The following SUPT20H variants were observed in gnomAD, a reference collection of about 807,000 sequenced individuals.
The protein encoded by SUPT20H is transcription factor SPT20 homolog.
In SUPT20H, 82 loss-of-function variants were observed where a neutral mutation model predicts 122.8. That is an observed-to-expected ratio of 0.67 (90% confidence interval 0.56 to 0.80). The LOEUF is 0.80. Ranked by LOEUF, SUPT20H falls within the 30% of genes least tolerant of loss-of-function variation. The probability of loss-of-function intolerance (pLI) is 0.00; values close to 1 mark genes in which losing one functional copy is unlikely to be tolerated. For synonymous variants in SUPT20H, 291 were observed against 313.0 expected (o/e 0.93, Z 0.74); for missense variants, 831 against 921.6 (o/e 0.90, Z 1.27).
At chr13:37,051,393 G>T in intron 2 of SUPT20H, 95 bp downstream of exon 2, 1 of 1,308,906 alleles carries the variant, frequency 7.6e-7, no homozygotes. Flanking sequence ...CAGCTTACAA[G>T]AGTATTTCTA....
intron 22 of SUPT20H, 149 bp from the exon 23 acceptor site, chr13:37,017,513 C>G: frequency 1.2e-6 from 1 of 861,418 alleles, no homozygotes; most frequent in South Asian, 2.0e-5. Context: ...AGTTGGCTGC[C>G]CTTAAAAAAA....
At chr13:37,026,662 G>T in intron 15 of SUPT20H, 128 bp downstream of exon 15, 1 of 609,320 alleles carries the variant, frequency 1.6e-6, no homozygotes, top group Non-Finnish European at 2.7e-6. Context: ...CAGATCCTTA[G>T]AATATATTTC....
chr13:37,025,322 C>G lies in SUPT20H; in HGVS notation c.1327G>C (p.Asp443His). ...LSQVSPGKET[D>H]QTETVSVQSS... The stretch of plus-strand genomic sequence containing the variant: ...GAAGTAACATTAATGAAACACACAT[C>G]TGTTTCTTTCCCTGGAGAAACCTGA... The change falls in exon 17 of 26, where the codon GAT (aspartate) becomes CAT (histidine). Residue 443 changes from aspartate (D) to histidine (H), a missense_variant and splice_region_variant. Asp to His is a moderately conservative substitution (Grantham distance 81). Transcript: ENST00000350612. 1 of 1,596,564 alleles carries G rather than the reference C, an allele frequency of 6.3e-7. No homozygotes were observed. The highest frequency in any genetic ancestry group is 8.6e-7 in the Non-Finnish European group (1 of 1,164,064).
At chr13:37,021,422 G>T in intron 21 of SUPT20H, 26 bp downstream of exon 21, 1 of 1,554,816 alleles carries the variant, frequency 6.4e-7, no homozygotes, top group Admixed American at 1.9e-5. Context: ...ATTTTTTTTA[G>T]AGGTTATTAT....
intron 24 of SUPT20H, among the ~76,000 whole-genome samples, chr13:37,011,137 T>G (rs2059558723): frequency 6.6e-6 from 1 of 152,142 alleles, no homozygotes; most frequent in Non-Finnish European, 1.5e-5. Flanking sequence ...TGTTTGTTAT[T>G]TTTTTAGCTG....
intron 12 of SUPT20H, 89 bp downstream of exon 12, chr13:37,031,477 GT>G (rs558757620): frequency 1.8e-3 from 1,291 of 724,028 alleles, no homozygotes; most frequent in South Asian, 3.3e-3. Flanking sequence ...TTTAAAGTAA[GT>G]TTTTTTTTTG....
intron 1 of SUPT20H, among the ~76,000 whole-genome samples, chr13:37,051,972 A>G (rs928218545): frequency 2.6e-5 from 4 of 152,182 alleles, no homozygotes; most frequent in Admixed American, 2.0e-4. Flanking sequence ...TATCCAGTTC[A>G]CTTTACAAAT....
chr13:37,040,747 T>A, intron 7 of SUPT20H, 55 bp from the exon 8 acceptor site: 2 of 1,351,546 alleles, frequency 1.5e-6, no homozygotes, highest in Non-Finnish European at 2.1e-6. Flanking sequence ...CCTAAATAAG[T>A]GGGTTTATAT....
intron 23 of SUPT20H, among the ~76,000 whole-genome samples, chr13:37,016,716 T>C (rs2060569949): frequency 1.3e-5 from 2 of 152,148 alleles, no homozygotes; most frequent in Non-Finnish European, 2.9e-5. Flanking sequence ...CAATATTTTT[T>C]TAATTTCCCA....
chr13:37,031,275 C>A (rs572129258), intron 12 of SUPT20H, among the ~76,000 whole-genome samples: 122 of 152,100 alleles, frequency 8.0e-4, no homozygotes, highest in African/African-American at 2.8e-3. Context: ...GTAATATACA[C>A]TGTATTTTTC....
At chr13:37,020,364 T>C (rs1483385722) in intron 21 of SUPT20H, among the ~76,000 whole-genome samples, 1 of 152,208 alleles carries the variant, frequency 6.6e-6, no homozygotes, top group Non-Finnish European at 1.5e-5. Context: ...ATCTGTATAA[T>C]GCTTTCTAGC....
intron 11 of SUPT20H, 41 bp downstream of exon 11, chr13:37,031,697 CT>C: frequency 6.4e-7 from 1 of 1,551,890 alleles, no homozygotes. Flanking sequence ...ATAAGACAGG[CT>C]TTTGGGCATA....
At chr13:37,038,733 A>G (rs1001608537) in intron 9 of SUPT20H, 1 of 152,222 alleles carries the variant, frequency 6.6e-6, no homozygotes, top group African/African-American at 2.4e-5. Context: ...TTAAGAAAAA[A>G]CTATACATAG....
chr13:37,029,046 C>G (rs1190734821), intron 13 of SUPT20H, among the ~76,000 whole-genome samples: 1 of 151,924 alleles, frequency 6.6e-6, no homozygotes, highest in African/African-American at 2.4e-5. Flanking sequence ...TCATTTCACT[C>G]CCAGAGTTCA....
At chr13:37,050,932 C>T (rs1335071158) in intron 2 of SUPT20H, among the ~76,000 whole-genome samples, 2 of 152,166 alleles carry the variant, frequency 1.3e-5, no homozygotes, top group African/African-American at 2.4e-5. Flanking sequence ...AATGCTGCTG[C>T]TTCTTTAAAA....
chr13:37,017,347 A>C lies in SUPT20H; in HGVS notation c.1890T>G (p.Leu630=), dbSNP rs1011918056. 2 of 1,613,684 alleles carry C rather than the reference A, an allele frequency of 1.2e-6. No homozygotes were observed. Among genetic ancestry groups the C allele is most frequent in the Non-Finnish European group, 1.7e-6 (2 of 1,179,908 alleles). The change falls in exon 23 of 26, where the codon CTT becomes CTG. Residue 630 remains leucine, a synonymous_variant. Transcript: ENST00000350612. The part of the protein sequence containing the change: ...LNLLQLPGGS[L]IFNTLQQQQQ... ...GCTGCTGCTGCAGAGTGTTAAAAAT[A>C]AGTGAACCACCTGGAAGCTATTAAG...
At chr13:37,015,241 C>T (rs888866179) in intron 23 of SUPT20H, among the ~76,000 whole-genome samples, 3 of 150,682 alleles carry the variant, frequency 2.0e-5, no homozygotes, top group Non-Finnish European at 3.0e-5. Context: ...GAGAAAATAT[C>T]TGGAAATCAA....
At chr13:37,056,715 T>C (rs1187275051) in intron 1 of SUPT20H, among the ~76,000 whole-genome samples, 1 of 151,476 alleles carries the variant, frequency 6.6e-6, no homozygotes, top group Non-Finnish European at 1.5e-5. Context: ...TGTATACATA[T>C]GTAACAAACC....
rs2061499456 is a variant in SUPT20H, at chr13:37,021,865, G to A, written c.1661+146C>T. ...ATTATTTAAAATTAAAACATACATG[G>A]TCAGGCAGCTTCTGTCCATATCTAA... On this transcript the variant is annotated intron_variant, in intron 20 of 25. Coordinates refer to ENST00000350612, the MANE Select transcript of SUPT20H (RefSeq NM_001014286.3). 3.1e-6 allele frequency: 3 copies of A among 972,280 alleles called. No homozygotes were observed. The East Asian group carries it at 8.0e-5, about 26-fold the overall frequency. 60.2% of individuals were successfully genotyped at this position (972,280 alleles called of 1,614,324 possible). A position where few individuals can be genotyped will look rare whatever the true frequency, so the allele number is the denominator to read the frequency against.
Sources: gnomAD v4.1 joint callset for allele counts (sites outside exome capture counted in the v4.1 genomes callset) on GRCh38, gnomAD v4.1.1 for gene constraint, MANE v1.5 for transcripts, NCBI Gene and HGNC (gene_info 2026-07-23, HGNC 2026-07-21) for gene names.